PCDH15: variants seen among roughly 807,000 people sequenced by gnomAD.
PCDH15 encodes the protein protocadherin related 15.
A neutral mutation model predicts 178.5 loss-of-function variants in PCDH15; 129 were observed. The observed-to-expected ratio is 0.72, with a 90% CI of 0.63 to 0.84. The LOEUF (loss-of-function observed/expected upper bound fraction) is 0.84. Ranked by LOEUF, PCDH15 falls within the 40% of genes least tolerant of loss-of-function variation. The pLI is 0.00. For missense variants in PCDH15, 2,230 were observed against 2,099.9 expected (o/e 1.06, Z -1.21); for synonymous variants, 800 against 732.0 (o/e 1.09, Z -1.50).
chr10:54,749,744 A>C (rs1479778579), intron 1 of PCDH15, among the ~76,000 whole-genome samples: 3 of 152,064 alleles, frequency 2.0e-5, no homozygotes, highest in African/African-American at 7.3e-5. Flanking sequence ...TGCAATTGAC[A>C]AAGTTAAATA....
At chr10:54,362,945 G>A (rs2134543678) in intron 5 of PCDH15, among the ~76,000 whole-genome samples, 1 of 151,898 alleles carries the variant, frequency 6.6e-6, no homozygotes, top group South Asian at 2.1e-4. Context: ...ATCTGGAAAG[G>A]TTATACTCGT....
intron 2 of PCDH15, among the ~76,000 whole-genome samples, chr10:54,552,869 T>G (rs2086772229): frequency 6.6e-6 from 1 of 152,204 alleles, no homozygotes. Context: ...AGAACTTCAC[T>G]GTTTTTTATT....
At chr10:55,438,823 T>C (rs974927491) in intron 2 of PCDH15, among the ~76,000 whole-genome samples, 1 of 151,708 alleles carries the variant, frequency 6.6e-6, no homozygotes, top group African/African-American at 2.4e-5. Flanking sequence ...TCAGGGACTT[T>C]GAATCTACGT....
At chr10:55,306,663 C>G (rs957804938) in intron 1 of PCDH15, among the ~76,000 whole-genome samples, 39 of 152,210 alleles carry the variant, frequency 2.6e-4, no homozygotes, top group Admixed American at 2.2e-3. Context: ...AATAGAAACT[C>G]GAGATTCTCA....
chr10:54,944,692 G>C (rs1392363571), intron 2 of PCDH15, among the ~76,000 whole-genome samples: 1 of 151,882 alleles, frequency 6.6e-6, no homozygotes, highest in Non-Finnish European at 1.5e-5. Context: ...TGTTATATGA[G>C]CTATTGGGTG....
intron 2 of PCDH15, among the ~76,000 whole-genome samples, chr10:54,551,588 A>T (rs1023873769): frequency 1.3e-5 from 2 of 152,144 alleles, no homozygotes; most frequent in African/African-American, 4.8e-5. Context: ...TTGGTGTACA[A>T]TGTCCCAACA....
chr10:54,223,101 C>T (rs551025491), intron 9 of PCDH15, among the ~76,000 whole-genome samples: 5 of 152,042 alleles, frequency 3.3e-5, no homozygotes, highest in South Asian at 2.1e-4. Flanking sequence ...CACCTGAGGT[C>T]GGGAGTTTGA....
chr10:54,600,470 A>G, intron 2 of PCDH15: 1 of 578,542 alleles, frequency 1.7e-6, no homozygotes. Flanking sequence ...AAGGGGGATG[A>G]TAAAAATGAA....
intron 2 of PCDH15, among the ~76,000 whole-genome samples, chr10:54,952,105 C>T (rs1838360071): frequency 6.6e-6 from 1 of 151,734 alleles, no homozygotes; most frequent in Non-Finnish European, 1.5e-5. Context: ...GCCTAAAAAG[C>T]CATTGTAAAA....
chr10:54,470,391 C>T (rs1434339405), intron 3 of PCDH15, among the ~76,000 whole-genome samples: 1 of 152,084 alleles, frequency 6.6e-6, no homozygotes, highest in Non-Finnish European at 1.5e-5. Flanking sequence ...CCAGTGGTGC[C>T]TGGCTGCAGG....
At chr10:55,186,119 G>A (rs538156602) in intron 1 of PCDH15, among the ~76,000 whole-genome samples, 1 of 151,320 alleles carries the variant, frequency 6.6e-6, no homozygotes, top group South Asian at 2.1e-4. Flanking sequence ...AAGCCTATTT[G>A]AGTAAATAAA....
At chr10:54,380,675 C>CATATATATATATAT (rs1218220837) in intron 3 of PCDH15, among the ~76,000 whole-genome samples, 2 of 28,730 alleles carry the variant, frequency 7.0e-5, no homozygotes, top group Non-Finnish European at 1.2e-4. Flanking sequence ...ATATATGCTC[C>CATATATATATATAT]ATATATATAT....
At chr10:54,139,708 A>G (rs996202354) in intron 14 of PCDH15, among the ~76,000 whole-genome samples, 9 of 152,324 alleles carry the variant, frequency 5.9e-5, no homozygotes, top group Admixed American at 4.6e-4. Context: ...TCTAGTTCAG[A>G]AGTTATCTAA....
chr10:54,784,902 C>G (rs75311454), intron 1 of PCDH15, among the ~76,000 whole-genome samples: 1 of 151,542 alleles, frequency 6.6e-6, no homozygotes, highest in Non-Finnish European at 1.5e-5. Context: ...TTTTTTCTAC[C>G]TCTGACTTCA....
chr10:54,826,730 A>T (rs573865500), intron 3 of PCDH15, among the ~76,000 whole-genome samples: 4 of 152,128 alleles, frequency 2.6e-5, no homozygotes, highest in Non-Finnish European at 4.4e-5. Context: ...TTATTTTTAC[A>T]TCTACACTAA....
intron 2 of PCDH15, among the ~76,000 whole-genome samples, chr10:55,402,711 T>C (rs1291268701): frequency 6.6e-6 from 1 of 152,042 alleles, no homozygotes; most frequent in African/African-American, 2.4e-5. Flanking sequence ...ATATTGTTTT[T>C]CCATTTATCT....
chr10:53,886,621 T>G (rs984460196), intron 26 of PCDH15, among the ~76,000 whole-genome samples: 1 of 66,642 alleles, frequency 1.5e-5, no homozygotes, highest in Non-Finnish European at 2.8e-5. Flanking sequence ...TTTTTTTTTT[T>G]GGCACCTTTG....
intron 23 of PCDH15, among the ~76,000 whole-genome samples, chr10:53,952,788 T>C (rs1007372755): frequency 2.6e-5 from 4 of 152,240 alleles, no homozygotes; most frequent in African/African-American, 7.2e-5. Context: ...CCCATGCTCA[T>C]TGGTGCCCAA....
intron 21 of PCDH15, among the ~76,000 whole-genome samples, chr10:53,973,845 T>C (rs1410445569): frequency 2.0e-5 from 3 of 152,170 alleles, no homozygotes; most frequent in African/African-American, 4.8e-5. Flanking sequence ...GCCTTTCTAA[T>C]TGGTAAAGTA....
Sources: gnomAD v4.1 joint callset for allele counts (sites outside exome capture counted in the v4.1 genomes callset) on GRCh38, gnomAD v4.1.1 for gene constraint, MANE v1.5 for transcripts, NCBI Gene and HGNC (gene_info 2026-07-23, HGNC 2026-07-21) for gene names.